The following TBL1X variants were observed in gnomAD, a reference collection of about 807,000 sequenced individuals.
TBL1X encodes the protein transducin beta like 1 X-linked.
A neutral mutation model predicts 50.7 loss-of-function variants in TBL1X; 10 were observed. The ratio of observed to expected loss-of-function variants is 0.20; its 90% CI spans 0.12 to 0.33. The LOEUF (loss-of-function observed/expected upper bound fraction) is 0.33. Among genes scored for constraint, TBL1X ranks in the 10% least tolerant of loss-of-function variants. TBL1X has a pLI of 1.00. For synonymous variants in TBL1X, 190 were observed against 214.7 expected, an observed-to-expected ratio of 0.88 and a Z score of 1.01; for missense variants, 340 against 504.4, an observed-to-expected ratio of 0.67 and a Z score of 3.12.
intron 2 of TBL1X, among the ~76,000 whole-genome samples, chrX:9,615,451 T>C (rs1170552382): frequency 8.9e-6 from 1 of 111,916 alleles, no homozygotes; most frequent in Non-Finnish European, 1.9e-5. Flanking sequence ...CTCATTCTGG[T>C]GAAAAGTTGT....
intron 1 of TBL1X, among the ~76,000 whole-genome samples, chrX:9,492,903 G>T (rs1325224266): frequency 1.0e-5 from 1 of 98,885 alleles, no homozygotes; most frequent in African/African-American, 3.7e-5. Context: ...GTGTGTAGGG[G>T]AGGAAGGAAT....
At chrX:9,556,306 G>A (rs2082299247) in intron 2 of TBL1X, among the ~76,000 whole-genome samples, 1 of 110,977 alleles carries the variant, frequency 9.0e-6, no homozygotes, top group Non-Finnish European at 1.9e-5. Context: ...TAGTTTCTGT[G>A]GCTGCTGTAA....
At chrX:9,558,218 A>G (rs1035111903) in intron 2 of TBL1X, among the ~76,000 whole-genome samples, 1 of 112,608 alleles carries the variant, frequency 8.9e-6, no homozygotes, top group Non-Finnish European at 1.9e-5. Flanking sequence ...ACTTTTTGAC[A>G]ATTAAAAATT....
intron 1 of TBL1X, among the ~76,000 whole-genome samples, chrX:9,466,528 C>T (rs1009077933): frequency 7.1e-5 from 8 of 112,379 alleles, no homozygotes; most frequent in South Asian, 3.6e-4. Flanking sequence ...AAAAACCTAC[C>T]CTCTATTGTA....
At chrX:9,580,991 G>C (rs926185708) in intron 2 of TBL1X, among the ~76,000 whole-genome samples, 1 of 111,865 alleles carries the variant, frequency 8.9e-6, no homozygotes, top group Non-Finnish European at 1.9e-5. Flanking sequence ...GGCCTGGTCC[G>C]TCTTTCAGGA....
chrX:9,534,327 T>G (rs2082177167), intron 2 of TBL1X, among the ~76,000 whole-genome samples: 1 of 111,674 alleles, frequency 9.0e-6, no homozygotes, highest in Admixed American at 9.5e-5. Context: ...AGTGATGATT[T>G]TTTACTCATT....
At chrX:9,554,204 C>T (rs778174743) in intron 2 of TBL1X, among the ~76,000 whole-genome samples, 2 of 112,446 alleles carry the variant, frequency 1.8e-5, no homozygotes, top group African/African-American at 3.2e-5. Flanking sequence ...ATATATTTTA[C>T]CATCACTTTC....
chrX:9,543,212 G>A (rs990925587), intron 2 of TBL1X, among the ~76,000 whole-genome samples: 2 of 111,705 alleles, frequency 1.8e-5, no homozygotes, highest in South Asian at 3.8e-4. Context: ...CACCCTCAGT[G>A]CCTCCCTGGA....
chrX:9,673,694 C>T (rs186348167), intron 5 of TBL1X, among the ~76,000 whole-genome samples: 85 of 112,481 alleles, frequency 7.6e-4, no homozygotes, highest in Non-Finnish European at 1.4e-3. Flanking sequence ...TCATGTGCTA[C>T]GTGATGCTTT....
At chrX:9,674,493 C>T (rs967818298) in intron 5 of TBL1X, among the ~76,000 whole-genome samples, 3 of 111,659 alleles carry the variant, frequency 2.7e-5, no homozygotes. Context: ...AACTCCTGGG[C>T]TCAAGCGATT....
At chrX:9,477,534 C>T (rs1194784613) in intron 1 of TBL1X, among the ~76,000 whole-genome samples, 1 of 111,951 alleles carries the variant, frequency 8.9e-6, no homozygotes, top group African/African-American at 3.2e-5. Flanking sequence ...TTTGCAAGCT[C>T]TATTACTTTG....
intron 11 of TBL1X, among the ~76,000 whole-genome samples, chrX:9,694,982 A>ATAAAT (rs2083122869): frequency 9.0e-6 from 1 of 110,924 alleles, no homozygotes; most frequent in Admixed American, 9.7e-5. Context: ...AAATAAATAA[A>ATAAAT]TAAATAAATA....
chrX:9,652,968 C>T (rs1270620512), intron 3 of TBL1X, among the ~76,000 whole-genome samples: 1 of 111,292 alleles, frequency 9.0e-6, no homozygotes, highest in East Asian at 2.8e-4. Context: ...AGATCGAGAC[C>T]ATCCTGGCCA....
intron 11 of TBL1X, among the ~76,000 whole-genome samples, chrX:9,694,415 T>C (rs1163904427): frequency 9.1e-6 from 1 of 109,802 alleles, no homozygotes; most frequent in East Asian, 2.9e-4. Context: ...GCCAACACAG[T>C]GAAACCCAGT....
At chrX:9,692,013 G>A in intron 8 of TBL1X, 100 bp from the exon 9 acceptor site, 1 of 1,136,137 alleles carries the variant, frequency 8.8e-7, no homozygotes, top group African/African-American at 1.8e-5. Context: ...AGACAGAAGA[G>A]CATGTGCTGA....
intron 2 of TBL1X, among the ~76,000 whole-genome samples, chrX:9,546,952 G>C (rs2082246859): frequency 9.6e-6 from 1 of 104,000 alleles, no homozygotes; most frequent in African/African-American, 3.5e-5. Flanking sequence ...CCGAGTAGCT[G>C]GGACTACAGG....
At chrX:9,660,423 A>G (rs751113629) in intron 5 of TBL1X, among the ~76,000 whole-genome samples, 1 of 112,401 alleles carries the variant, frequency 8.9e-6, no homozygotes, top group Admixed American at 9.4e-5. Context: ...CACTGTAGCT[A>G]CTAAAAGGAG....
chrX:9,566,683 TTAA>T (rs1372032050), intron 2 of TBL1X, among the ~76,000 whole-genome samples: 3 of 112,392 alleles, frequency 2.7e-5, no homozygotes, highest in Non-Finnish European at 5.6e-5. Context: ...AGTTGAAATG[TTAA>T]TCATTATGGC....
chrX:9,681,973 T>A (rs1055872183), intron 5 of TBL1X, among the ~76,000 whole-genome samples: 1 of 112,712 alleles, frequency 8.9e-6, no homozygotes, highest in African/African-American at 3.2e-5. Context: ...ATGATGTCTA[T>A]GAGAGAGGAA....
Sources: gnomAD v4.1 joint callset for allele counts (sites outside exome capture counted in the v4.1 genomes callset) on GRCh38, gnomAD v4.1.1 for gene constraint, MANE v1.5 for transcripts, NCBI Gene and HGNC (gene_info 2026-07-23, HGNC 2026-07-21) for gene names.